CENPE: variants seen among roughly 807,000 people sequenced by gnomAD.
CENPE encodes the protein centromere protein E, also known as centromere-associated protein E.
Under a neutral mutation model 336.1 loss-of-function variants are expected in CENPE, and 145 were observed. The ratio of observed to expected loss-of-function variants is 0.43; its 90% CI spans 0.38 to 0.50. The LOEUF (loss-of-function observed/expected upper bound fraction) is 0.50. Among genes scored for constraint, CENPE ranks in the 20% least tolerant of loss-of-function variants. CENPE has a pLI of 0.00. For missense variants in CENPE, 2,719 were observed against 3,023.3 expected, an observed-to-expected ratio of 0.90 and a Z score of 2.36; for synonymous variants, 1,013 against 984.8, an observed-to-expected ratio of 1.03 and a Z score of -0.54.
intron 15 of CENPE, among the ~76,000 whole-genome samples, chr4:103,175,539 C>G (rs778827662): frequency 1.3e-5 from 2 of 152,038 alleles, no homozygotes; most frequent in Admixed American, 6.6e-5. Flanking sequence ...TCTTTAAACA[C>G]GAGCAATCTA....
chr4:103,154,904 T>A (rs1753843412), intron 24 of CENPE, among the ~76,000 whole-genome samples: 1 of 152,086 alleles, frequency 6.6e-6, no homozygotes, highest in African/African-American at 2.4e-5. Flanking sequence ...TCCAAGGAGA[T>A]TCATGATAGA....
At chr4:103,186,524 G>A (rs1465402157) in intron 8 of CENPE, among the ~76,000 whole-genome samples, 1 of 152,054 alleles carries the variant, frequency 6.6e-6, no homozygotes, top group Non-Finnish European at 1.5e-5. Flanking sequence ...ACTTTACTGT[G>A]GCATCTTTAA....
rs199568528 is a variant in CENPE at position 103,112,323 on chromosome 4, G to GTATATATA, written c.7541-1320_7541-1313dup. 2.1e-5 allele frequency among the ~76,000 whole-genome samples: 3 copies of GTATATATA among 145,036 alleles called. No homozygotes were observed. The East Asian group carries it at 6.0e-4, about 29-fold the overall frequency. ...TTGCTTGTACTATATACTTATAAGT[G>GTATATATA]TATATATATATACACTTATATATAA... On this transcript the variant is annotated intron_variant, in intron 46 of 48. Coordinates refer to ENST00000265148, the MANE Select transcript of CENPE (RefSeq NM_001813.3).
chr4:103,123,183 C>T (rs1029785992), intron 42 of CENPE, 94 bp from the exon 43 acceptor site: 12 of 890,958 alleles, frequency 1.3e-5, no homozygotes, highest in African/African-American at 3.4e-5. Context: ...CAGTTACCCT[C>T]AGTCAAAAGT....
At chr4:103,158,203 G>C (rs1186148435) in intron 24 of CENPE, 97 bp downstream of exon 24, 4 of 879,736 alleles carry the variant, frequency 4.5e-6, no homozygotes, top group African/African-American at 1.7e-5. Context: ...ACCATTGTGA[G>C]TAACAAATGA....
rs1477107777 is a variant in CENPE, at chr4:103,152,976, A to G, written c.3237+71T>C. On this transcript the variant is annotated intron_variant, in intron 25 of 48. Coordinates refer to ENST00000265148, the MANE Select transcript of CENPE (RefSeq NM_001813.3). The stretch of plus-strand genomic sequence containing the variant: ...TTTATTGTATATAAATTATACCTCA[A>G]TAAAGTTGATAAAAATCTGAAACAA... 53 of 1,125,108 alleles carry G rather than the reference A, an allele frequency of 4.7e-5. No homozygotes were observed. The South Asian group carries it at 5.0e-4, about 11-fold the overall frequency. 69.7% of individuals were successfully genotyped at this position (1,125,108 alleles called of 1,614,324 possible).
chr4:103,113,548 A>T (rs1288877702), intron 46 of CENPE, among the ~76,000 whole-genome samples: 2 of 140,594 alleles, frequency 1.4e-5, no homozygotes, highest in Non-Finnish European at 1.5e-5. Flanking sequence ...ACTTATATAT[A>T]ATATATAATA....
chr4:103,195,086 T>C, intron 5 of CENPE, 28 bp downstream of exon 5: 1 of 1,546,320 alleles, frequency 6.5e-7, no homozygotes, highest in South Asian at 1.3e-5. Context: ...TCAGTCAATT[T>C]TAAAGCTCCC....
At chr4:103,154,148 A>G (rs1753781365) in intron 24 of CENPE, among the ~76,000 whole-genome samples, 1 of 152,120 alleles carries the variant, frequency 6.6e-6, no homozygotes, top group Non-Finnish European at 1.5e-5. Context: ...CAGGTATTTA[A>G]AAGTTTTTAT....
intron 9 of CENPE, among the ~76,000 whole-genome samples, chr4:103,184,884 A>G (rs73837653): frequency 0.045 from 6,818 of 152,250 alleles, 498 homozygotes; most frequent in African/African-American, 0.15. Context: ...TGATAGTCTT[A>G]TTAGGATTGT....
intron 43 of CENPE, among the ~76,000 whole-genome samples, chr4:103,122,219 T>C (rs1172291721): frequency 6.6e-6 from 1 of 152,196 alleles, no homozygotes; most frequent in Admixed American, 6.5e-5. Flanking sequence ...GTTGATGTTT[T>C]ATTATAAGTA....
chr4:103,113,015 T>C (rs1167291338), intron 46 of CENPE, among the ~76,000 whole-genome samples: 2 of 88,554 alleles, frequency 2.3e-5, no homozygotes, highest in Non-Finnish European at 4.1e-5. Context: ...TGTATATATA[T>C]ACTTATAAGT....
chr4:103,184,084 A>C (rs182021037), intron 9 of CENPE, among the ~76,000 whole-genome samples: 5 of 152,228 alleles, frequency 3.3e-5, no homozygotes, highest in African/African-American at 9.7e-5. Flanking sequence ...AAATTGTAAA[A>C]ATAATTTTGA....
At position 103,145,928 on chromosome 4, in the gene CENPE, T is replaced by G; in HGVS notation, c.4314A>C (p.Lys1438Asn). The G allele has an allele frequency of 6.2e-7, 1 of 1,613,936 alleles. No individual in the cohort carries two copies. Among genetic ancestry groups the G allele is most frequent in the Non-Finnish European group, 8.5e-7 (1 of 1,179,896 alleles). ...GGTCATCTTTCTCCTTAGCTACAGA[T>G]TTCATTTCATCATGACTTTCTTGAA... ...KRLQESHDEMKSVAKEKDDLQ... is the reference protein window; with the variant it reads ...KRLQESHDEMNSVAKEKDDLQ... The change falls in exon 30 of 49, where the codon AAA becomes AAC. Residue 1438 changes from lysine to asparagine, a missense_variant. This residue lies in a region of CENPE where 2,437 missense variants were observed against 2,513.3 expected (regional missense o/e 0.97). Coordinates refer to ENST00000265148, the MANE Select transcript of CENPE (RefSeq NM_001813.3).
At chr4:103,197,379 C>A (rs1248366909) in intron 1 of CENPE, among the ~76,000 whole-genome samples, 1 of 152,210 alleles carries the variant, frequency 6.6e-6, no homozygotes, top group Non-Finnish European at 1.5e-5. Context: ...CACCAGTTCA[C>A]CCCACGGGAA....
chr4:103,187,030 C>A (rs1756836488), intron 8 of CENPE, among the ~76,000 whole-genome samples: 1 of 152,140 alleles, frequency 6.6e-6, no homozygotes, highest in Non-Finnish European at 1.5e-5. Context: ...TTATGCAGGA[C>A]TTTTTAAGTG....
intron 42 of CENPE, among the ~76,000 whole-genome samples, chr4:103,131,216 G>A (rs970535777): frequency 6.6e-6 from 1 of 152,086 alleles, no homozygotes; most frequent in Non-Finnish European, 1.5e-5. Context: ...AATATTCAAA[G>A]TATACAAACA....
intron 1 of CENPE, among the ~76,000 whole-genome samples, 162 bp from the exon 2 acceptor site, chr4:103,197,012 A>G (rs1193137887): frequency 1.3e-5 from 2 of 152,262 alleles, no homozygotes; most frequent in African/African-American, 2.4e-5. Flanking sequence ...ATGGAGCTTC[A>G]GTGACCTTCT....
chr4:103,115,059 G>A (rs1431483940), intron 45 of CENPE, among the ~76,000 whole-genome samples: 1 of 152,020 alleles, frequency 6.6e-6, no homozygotes. Context: ...AATCAGTAAC[G>A]ATAAATTATA....
Sources: allele counts gnomAD v4.1 joint callset (sites outside exome capture counted in the v4.1 genomes callset), GRCh38; gene constraint gnomAD v4.1.1; regional missense constraint gnomAD v4.1.1; transcripts MANE v1.5; gene names NCBI Gene and HGNC (gene_info 2026-07-23, HGNC 2026-07-21).